OTOP1: variants seen among roughly 807,000 people sequenced by gnomAD.
The protein encoded by OTOP1 is proton channel OTOP1.
In OTOP1, 59 loss-of-function variants were observed where a neutral mutation model predicts 52.9. The observed-to-expected ratio is 1.12, with a 90% CI of 0.91 to 1.39. The LOEUF (loss-of-function observed/expected upper bound fraction) is 1.39, where lower values mean the gene tolerates loss of function less well. Among genes scored for constraint, OTOP1 ranks in the 40% most tolerant of loss-of-function variants. OTOP1 has a pLI of 0.00. For synonymous variants in OTOP1, 317 were observed against 337.7 expected (o/e 0.94, Z 0.67); for missense variants, 761 against 800.9 (o/e 0.95, Z 0.60).
intron 5 of OTOP1, among the ~76,000 whole-genome samples, chr4:4,194,431 G>C (rs1391019239): frequency 6.6e-6 from 1 of 152,162 alleles, no homozygotes; most frequent in Non-Finnish European, 1.5e-5. Context: ...TGGAGAAGAG[G>C]GTCTGCCTGC....
intron 2 of OTOP1, among the ~76,000 whole-genome samples, 187 bp downstream of exon 2, chr4:4,212,679 GAC>G (rs1717050952): frequency 6.6e-6 from 1 of 152,188 alleles, no homozygotes; most frequent in Admixed American, 6.5e-5. Flanking sequence ...TGGCCATGGG[GAC>G]ACAGAGTTTT....
rs183828135 is a variant in OTOP1 at position 4,225,168 on chromosome 4, T to C, written c.403+1294A>G. ...TGTGCCTGGACCACGTGGTGTGAAA[T>C]GCACTTGGCCTCTCCTGGGAAGGTT... On this transcript the variant is annotated intron_variant, in intron 1 of 5. Coordinates refer to ENST00000296358, the MANE Select transcript of OTOP1 (RefSeq NM_177998.3). Among the ~76,000 whole-genome samples the C allele has an allele frequency of 3.9e-5, 6 of 152,288 alleles. No homozygotes were observed. In the East Asian group the frequency reaches 1.2e-3, roughly 29 times the overall value.
intron 1 of OTOP1, among the ~76,000 whole-genome samples, chr4:4,214,490 A>C (rs1403195660): frequency 1.3e-5 from 2 of 152,260 alleles, no homozygotes; most frequent in African/African-American, 4.8e-5. Context: ...ACCCTAGGGG[A>C]TATCTGTATT....
chr4:4,207,016 C>T (rs1304558327), intron 2 of OTOP1, among the ~76,000 whole-genome samples: 1 of 152,206 alleles, frequency 6.6e-6, no homozygotes, highest in Non-Finnish European at 1.5e-5. Context: ...CACTGGTAGG[C>T]ATTTTATAAA....
intron 1 of OTOP1, among the ~76,000 whole-genome samples, chr4:4,214,139 A>T (rs1477324373): frequency 6.6e-6 from 1 of 152,228 alleles, no homozygotes; most frequent in Non-Finnish European, 1.5e-5. Context: ...AAAATTGGCA[A>T]AGGACATGAA....
chr4:4,213,479 G>T, intron 1 of OTOP1, among the ~76,000 whole-genome samples: 1 of 152,298 alleles, frequency 6.6e-6, no homozygotes, highest in African/African-American at 2.4e-5. Flanking sequence ...GAAAACATTA[G>T]CAAATTATAT....
chr4:4,217,712 G>A (rs549362518), intron 1 of OTOP1, among the ~76,000 whole-genome samples: 2 of 152,300 alleles, frequency 1.3e-5, no homozygotes, highest in South Asian at 2.1e-4. Flanking sequence ...AGGGAACTGA[G>A]GTTGAAGGTA....
At chr4:4,224,346 CA>C (rs57436899) in intron 1 of OTOP1, among the ~76,000 whole-genome samples, 103 of 115,180 alleles carry the variant, frequency 8.9e-4, no homozygotes, top group Non-Finnish European at 9.3e-4. Context: ...GACTCCATCT[CA>C]AAAAAAAAAA....
intron 1 of OTOP1, among the ~76,000 whole-genome samples, chr4:4,223,884 C>T (rs2108807735): frequency 2.4e-5 from 3 of 125,780 alleles, no homozygotes. Context: ...AGTGAGATTC[C>T]ATCTCAAAAA....
At position 4,198,072 on chromosome 4, in the gene OTOP1, G is replaced by A; in HGVS notation, c.762C>T (p.Cys254=). 1 of 1,614,096 alleles carries A rather than the reference G, an allele frequency of 6.2e-7. No homozygotes were observed. Among genetic ancestry groups the A allele is most frequent in the Non-Finnish European group, 8.5e-7 (1 of 1,179,952 alleles). The stretch of plus-strand genomic sequence containing the variant: ...TGGCAGTGCACAGAGTTGGGGGCGT[G>A]CAGTTACACTGCGGTGTGTGGTCAT... ...VLDDHTPQCN[C]TPPTLCTAIS... The change falls in exon 5 of 6, where the codon TGC becomes TGT. Residue 254 remains cysteine, a synonymous_variant. Coordinates refer to ENST00000296358, the MANE Select transcript of OTOP1 (RefSeq NM_177998.3).
intron 3 of OTOP1, 45 bp downstream of exon 3, chr4:4,206,027 T>G: frequency 6.6e-7 from 1 of 1,515,772 alleles, no homozygotes; most frequent in African/African-American, 1.4e-5. Flanking sequence ...AAATTCTAAA[T>G]GAATGCCAAA....
In OTOP1 at chr4:4,197,165, C is replaced by A; in HGVS notation, c.1668+1G>T. ...AATAAGAATAACTTGGTGCAGATTA[C>A]CGAAATATTGCAGAGGAACAAGAAG... is the stretch of plus-strand genomic sequence containing the variant. On this transcript the variant is annotated splice_donor_variant, in intron 5 of 5. Transcript: ENST00000296358. LOFTEE classifies it high-confidence loss of function. 1 of 1,596,120 alleles carries A rather than the reference C, an allele frequency of 6.3e-7. No individual in the cohort carries two copies. Among genetic ancestry groups the A allele is most frequent in the Middle Eastern group, 1.7e-4 (1 of 5,948 alleles).
chr4:4,190,631 A>C (rs1235790838), intron 5 of OTOP1, among the ~76,000 whole-genome samples: 2 of 152,190 alleles, frequency 1.3e-5, no homozygotes, highest in Non-Finnish European at 2.9e-5. Context: ...TAATCTAGAG[A>C]TGTCTTAAAG....
At chr4:4,195,817 A>T (rs879927369) in intron 5 of OTOP1, among the ~76,000 whole-genome samples, 39 of 152,096 alleles carry the variant, frequency 2.6e-4, no homozygotes, top group Non-Finnish European at 4.4e-4. Context: ...CTCCTAGTAC[A>T]CCTTGCACAA....
intron 3 of OTOP1, 64 bp from the exon 4 acceptor site, chr4:4,202,642 G>C (rs531125359): frequency 6.3e-7 from 1 of 1,588,856 alleles, no homozygotes; most frequent in East Asian, 2.3e-5. Context: ...CATGGGGTGA[G>C]ACAGACGTGT....
At chr4:4,193,958 C>G (rs748498257) in intron 5 of OTOP1, among the ~76,000 whole-genome samples, 1 of 152,152 alleles carries the variant, frequency 6.6e-6, no homozygotes, top group Non-Finnish European at 1.5e-5. Flanking sequence ...GAGGCCTAGG[C>G]AGGCAGCTCA....
intron 1 of OTOP1, among the ~76,000 whole-genome samples, chr4:4,216,644 G>T (rs1717158400): frequency 6.6e-6 from 1 of 152,178 alleles, no homozygotes; most frequent in Non-Finnish European, 1.5e-5. Context: ...AATGAAATCA[G>T]AAACTTTGTA....
chr4:4,192,099 T>C (rs1402446298), intron 5 of OTOP1, among the ~76,000 whole-genome samples: 2 of 152,298 alleles, frequency 1.3e-5, no homozygotes, highest in Non-Finnish European at 2.9e-5. Flanking sequence ...ACATGACTAA[T>C]AAAATATGGC....
intron 3 of OTOP1, among the ~76,000 whole-genome samples, chr4:4,204,931 C>T (rs1177943471): frequency 6.6e-6 from 1 of 152,082 alleles, no homozygotes. Flanking sequence ...CCACCACACA[C>T]AGCTAATTTT....
Sources: allele counts gnomAD v4.1 joint callset (sites outside exome capture counted in the v4.1 genomes callset), GRCh38; gene constraint gnomAD v4.1.1; transcripts MANE v1.5; gene names NCBI Gene and HGNC (gene_info 2026-07-23, HGNC 2026-07-21).